The following DOCK5 variants were observed in gnomAD, a reference collection of about 807,000 sequenced individuals.
The protein encoded by DOCK5 is dedicator of cytokinesis protein 5.
A neutral mutation model predicts 251.8 loss-of-function variants in DOCK5; 142 were observed. The ratio of observed to expected loss-of-function variants is 0.56; its 90% confidence interval spans 0.49 to 0.65. The LOEUF is 0.65. DOCK5 is among the 30% of genes least tolerant of loss of function. The pLI is 0.00. For missense variants in DOCK5, 2,111 were observed against 2,312.3 expected (o/e 0.91, Z 1.79); for synonymous variants, 842 against 835.5 (o/e 1.01, Z -0.13).
Position 25,319,696 on chromosome 8 carries a change from A to G in DOCK5, c.1542+20A>G. On this transcript the variant is annotated intron_variant, in intron 15 of 51. Coordinates refer to ENST00000276440, the MANE Select transcript of DOCK5 (RefSeq NM_024940.8). ...GTCAAGGTGAGAATGAGTCATTTGT[A>G]ACCCCTGTTATCTGTTAAACCTCAG... is the stretch of plus-strand genomic sequence containing the variant. 6.6e-7 allele frequency: 1 copy of G among 1,516,872 alleles called. No homozygotes were observed. Among genetic ancestry groups the G allele is most frequent in the Non-Finnish European group, 9.0e-7 (1 of 1,112,674 alleles). The allele number at this position is 1,516,872 out of a possible 1,614,324, so 94.0% of individuals were successfully genotyped here. A position where few individuals can be genotyped will look rare whatever the true frequency, so the allele number is the denominator to read the frequency against.
intron 22 of DOCK5, among the ~76,000 whole-genome samples, chr8:25,340,119 G>C (rs1445635366): frequency 6.6e-6 from 1 of 152,206 alleles, no homozygotes; most frequent in Non-Finnish European, 1.5e-5. Flanking sequence ...GTAATACTTA[G>C]AGTTGAGCAG....
chr8:25,390,055 C>A, intron 41 of DOCK5, 151 bp from the exon 42 acceptor site: 3 of 516,064 alleles, frequency 5.8e-6, no homozygotes, highest in African/African-American at 2.0e-5. Flanking sequence ...CACAAAGGAA[C>A]TCCCATTTTC....
chr8:25,239,034 C>T lies in DOCK5; in HGVS notation c.44-4640C>T, dbSNP rs551491337. ...GAATGTCAGAGAAGAAAGAGATCCACGCAGGTAATCGGGAGCTAGTAGCCA... is the reference window on the plus strand; with the variant it reads ...GAATGTCAGAGAAGAAAGAGATCCATGCAGGTAATCGGGAGCTAGTAGCCA... On this transcript the variant is annotated intron_variant, in intron 1 of 51. Transcript: ENST00000276440. 3.2e-4 allele frequency among the ~76,000 whole-genome samples: 48 copies of T among 152,254 alleles called. No homozygotes were observed. The South Asian group carries it at 8.7e-3, about 28-fold the overall frequency.
chr8:25,244,466 G>A lies in DOCK5; in HGVS notation c.127+709G>A, dbSNP rs1054007801. 2.6e-5 allele frequency among the ~76,000 whole-genome samples: 4 copies of A among 152,212 alleles called. No individual in the cohort carries two copies. The East Asian group carries it at 5.8e-4, about 22-fold the overall frequency. On this transcript the variant is annotated intron_variant, in intron 2 of 51. Coordinates refer to ENST00000276440, the MANE Select transcript of DOCK5 (RefSeq NM_024940.8). Reference sequence around the variant, plus strand: ...ACCTCTGGAGCACAACAAAAGCATAGCCAGGCCACTGAAGTTGAGGACCAA... The same window carrying A: ...ACCTCTGGAGCACAACAAAAGCATAACCAGGCCACTGAAGTTGAGGACCAA...
intron 21 of DOCK5, among the ~76,000 whole-genome samples, chr8:25,335,545 T>C (rs932336223): frequency 4.6e-5 from 7 of 151,640 alleles, no homozygotes; most frequent in Non-Finnish European, 8.8e-5. Flanking sequence ...TATGTATGAC[T>C]ATTATTGTAT....
intron 2 of DOCK5, among the ~76,000 whole-genome samples, chr8:25,248,980 G>C (rs1329512551): frequency 6.6e-6 from 1 of 152,146 alleles, no homozygotes; most frequent in African/African-American, 2.4e-5. Context: ...TTTAGTCATT[G>C]CTGAAGTTTT....
intron 6 of DOCK5, among the ~76,000 whole-genome samples, chr8:25,295,813 G>GTATT (rs564617241): frequency 0.034 from 5,145 of 152,046 alleles, 262 homozygotes; most frequent in African/African-American, 0.11. Context: ...ATGTGTGTAT[G>GTATT]TATTTATTTA....
At chr8:25,190,035 C>T (rs1408306722) in intron 1 of DOCK5, among the ~76,000 whole-genome samples, 1 of 152,072 alleles carries the variant, frequency 6.6e-6, no homozygotes, top group Non-Finnish European at 1.5e-5. Context: ...TACAGGCGCA[C>T]GCCACCACGC....
At chr8:25,340,722 C>A (rs1238166455) in intron 22 of DOCK5, among the ~76,000 whole-genome samples, 155 bp from the exon 23 acceptor site, 1 of 152,136 alleles carries the variant, frequency 6.6e-6, no homozygotes, top group Non-Finnish European at 1.5e-5. Flanking sequence ...CTTCTCTAAC[C>A]CATTGCCTGA....
chr8:25,398,945 G>T (rs1393983511), intron 45 of DOCK5, among the ~76,000 whole-genome samples: 4 of 152,146 alleles, frequency 2.6e-5, no homozygotes, highest in African/African-American at 9.7e-5. Context: ...TGTTTGCCAC[G>T]CAAAATGGGC....
chr8:25,306,269 C>T (rs1008202777), intron 11 of DOCK5, among the ~76,000 whole-genome samples: 2 of 152,176 alleles, frequency 1.3e-5, no homozygotes, highest in Non-Finnish European at 2.9e-5. Flanking sequence ...TTATGTAGCA[C>T]AGTGCTAAAG....
intron 4 of DOCK5, 75 bp from the exon 5 acceptor site, chr8:25,278,494 G>A: frequency 7.0e-7 from 1 of 1,424,284 alleles, no homozygotes; most frequent in South Asian, 1.2e-5. Flanking sequence ...TTGAACGTTG[G>A]GAAGTCTGAT....
At chr8:25,204,843 G>A (rs528923725) in intron 1 of DOCK5, among the ~76,000 whole-genome samples, 3 of 152,042 alleles carry the variant, frequency 2.0e-5, no homozygotes, top group East Asian at 3.9e-4. Flanking sequence ...TCTCTCAGTC[G>A]TCTTTCCCAA....
intron 25 of DOCK5, 43 bp from the exon 26 acceptor site, chr8:25,345,432 G>C (rs1800346374): frequency 2.5e-6 from 4 of 1,607,468 alleles, no homozygotes; most frequent in Non-Finnish European, 3.4e-6. Flanking sequence ...CAGTTCAGGA[G>C]GTGGCACTGC....
rs2709619 is a variant in DOCK5, at chr8:25,248,375, C to T, written c.127+4618C>T. Among the ~76,000 whole-genome samples, 648 of 152,246 alleles carry T rather than the reference C, an allele frequency of 4.3e-3. 2 individuals carry two copies. The highest frequency in any genetic ancestry group is 7.6e-3 in the Admixed American group (116 of 15,284). On this transcript the variant is annotated intron_variant, in intron 2 of 51. Coordinates refer to ENST00000276440, the MANE Select transcript of DOCK5 (RefSeq NM_024940.8). The stretch of plus-strand genomic sequence containing the variant: ...TCTTCTACCCCTCTTCTCCTAGTCC[C>T]TCTTAACTTTAGAAAAATAAACACA...
At chr8:25,201,424 A>G (rs1801876152) in intron 1 of DOCK5, among the ~76,000 whole-genome samples, 1 of 152,372 alleles carries the variant, frequency 6.6e-6, no homozygotes, top group South Asian at 2.1e-4. Flanking sequence ...CAGTATCACT[A>G]ACATTACATG....
chr8:25,394,572 C>G (rs1489313734), intron 44 of DOCK5, among the ~76,000 whole-genome samples: 2 of 152,004 alleles, frequency 1.3e-5, no homozygotes, highest in African/African-American at 4.8e-5. Flanking sequence ...GAGGAAGCAT[C>G]AAACGTTTTG....
rs571954555 is a variant in DOCK5 at position 25,281,200 on chromosome 8, G to C, written c.321+2535G>C. 1.0e-3 allele frequency among the ~76,000 whole-genome samples: 152 copies of C among 152,128 alleles called. No homozygotes were observed. In the Middle Eastern group the frequency reaches 0.014, roughly 14 times the overall value. On this transcript the variant is annotated intron_variant, in intron 5 of 51. Coordinates refer to ENST00000276440, the MANE Select transcript of DOCK5 (RefSeq NM_024940.8). ...CCAGCACTTTGGGAGGCTGAGGACG[G>C]CGGATCACTTGAGGTCACGAGTTCA... is the stretch of plus-strand genomic sequence containing the variant.
chr8:25,184,908 C>G lies in DOCK5; in HGVS notation c.-1C>G. The stretch of plus-strand genomic sequence containing the variant: ...CGCCGCCGCGGGGCGAGGTCGCCGC[C>G]ATGGCCCGCTGGATCCCGACCAAGA... On this transcript the variant is annotated 5_prime_UTR_variant, in exon 1 of 52. Coordinates refer to ENST00000276440, the MANE Select transcript of DOCK5 (RefSeq NM_024940.8). 1 of 1,429,572 alleles carries G rather than the reference C, an allele frequency of 7.0e-7. No individual in the cohort carries two copies. 88.6% of individuals were successfully genotyped at this position (1,429,572 alleles called of 1,614,324 possible). A position where few individuals can be genotyped will look rare whatever the true frequency, so the allele number is the denominator to read the frequency against.
Sources: allele counts gnomAD v4.1 joint callset (sites outside exome capture counted in the v4.1 genomes callset), GRCh38; gene constraint gnomAD v4.1.1; transcripts MANE v1.5; gene names NCBI Gene and HGNC (gene_info 2026-07-23, HGNC 2026-07-21).